PCDH15: variants seen among roughly 807,000 people sequenced by gnomAD.
PCDH15 encodes the protein protocadherin-15.
PCDH15 carries 129 observed loss-of-function variants against 178.5 expected under a neutral mutation model. The ratio of observed to expected loss-of-function variants is 0.72; its 90% confidence interval spans 0.63 to 0.84. The LOEUF (loss-of-function observed/expected upper bound fraction) is 0.84. Ranked by LOEUF, PCDH15 falls within the 40% of genes least tolerant of loss-of-function variation. PCDH15 has a pLI of 0.00. For missense variants in PCDH15, 2,230 were observed against 2,099.9 expected (o/e 1.06, Z -1.21); for synonymous variants, 800 against 732.0 (o/e 1.09, Z -1.50).
chr10:55,559,500 G>A (rs1375674061), intron 2 of PCDH15, among the ~76,000 whole-genome samples: 1 of 151,922 alleles, frequency 6.6e-6, no homozygotes, highest in Non-Finnish European at 1.5e-5. Flanking sequence ...TGTCATATGT[G>A]AGAAATGAAT....
intron 2 of PCDH15, among the ~76,000 whole-genome samples, chr10:55,495,074 C>T (rs2132132312): frequency 6.6e-6 from 1 of 151,748 alleles, no homozygotes; most frequent in Admixed American, 6.6e-5. Flanking sequence ...ACATTGGACC[C>T]CTATCAAACC....
intron 1 of PCDH15, among the ~76,000 whole-genome samples, chr10:54,791,855 C>T (rs1951448432): frequency 6.6e-6 from 1 of 151,888 alleles, no homozygotes; most frequent in South Asian, 2.1e-4. Flanking sequence ...CTCATTTCTG[C>T]TCTCATCTAC....
At chr10:55,490,741 A>C (rs1015613054) in intron 2 of PCDH15, among the ~76,000 whole-genome samples, 1 of 151,818 alleles carries the variant, frequency 6.6e-6, no homozygotes, top group Non-Finnish European at 1.5e-5. Flanking sequence ...AATAAATGAC[A>C]GCTGAGAAAT....
At chr10:54,179,943 G>C (rs1333212959) in intron 13 of PCDH15, among the ~76,000 whole-genome samples, 1 of 152,048 alleles carries the variant, frequency 6.6e-6, no homozygotes, top group Non-Finnish European at 1.5e-5. Context: ...TCCTGTATAG[G>C]GAGTAATTGT....
intron 2 of PCDH15, among the ~76,000 whole-genome samples, chr10:55,331,880 A>G (rs1171505612): frequency 6.6e-6 from 1 of 152,146 alleles, no homozygotes; most frequent in African/African-American, 2.4e-5. Flanking sequence ...AAATCTATTA[A>G]CTGAATATGA....
intron 3 of PCDH15, among the ~76,000 whole-genome samples, chr10:54,526,741 C>G (rs1003069123): frequency 6.6e-6 from 1 of 152,110 alleles, no homozygotes; most frequent in Admixed American, 6.6e-5. Context: ...CAGAGGCCAG[C>G]AGTACTGTAG....
At chr10:54,862,349 A>T (rs1038209551) in intron 3 of PCDH15, among the ~76,000 whole-genome samples, 1 of 152,254 alleles carries the variant, frequency 6.6e-6, no homozygotes, top group Admixed American at 6.5e-5. Flanking sequence ...AAAATAACAT[A>T]TAAAGTACAA....
At position 54,408,682 on chromosome 10, in the gene PCDH15, CTA is replaced by C. The variant is rs1953028746; in HGVS notation, c.158-29742_158-29741del. ...TTATACTTAAAGGATTCAATTGCAG[CTA>C]TGATTCTATGTATGATTGGGGTTAC... On this transcript the variant is annotated intron_variant, in intron 3 of 37. Coordinates refer to ENST00000644397, the MANE Select transcript of PCDH15 (RefSeq NM_001384140.1). Among the ~76,000 whole-genome samples, 3 of 152,220 alleles carry C rather than the reference CTA, an allele frequency of 2.0e-5. No individual in the cohort carries two copies. In the South Asian group the frequency reaches 6.2e-4, roughly 32 times the overall value.
chr10:55,408,501 T>C (rs1457343837), intron 2 of PCDH15, among the ~76,000 whole-genome samples: 2 of 152,048 alleles, frequency 1.3e-5, no homozygotes, highest in Non-Finnish European at 2.9e-5. Context: ...TGATTCTAAA[T>C]TTGGTAAAGA....
At chr10:54,206,550 T>C (rs1362350829) in intron 10 of PCDH15, among the ~76,000 whole-genome samples, 1 of 152,116 alleles carries the variant, frequency 6.6e-6, no homozygotes, top group African/African-American at 2.4e-5. Flanking sequence ...CAGTTTTTTG[T>C]CAACCAAGAG....
intron 2 of PCDH15, among the ~76,000 whole-genome samples, chr10:55,604,659 G>T (rs1371935621): frequency 6.8e-6 from 1 of 148,110 alleles, no homozygotes; most frequent in Non-Finnish European, 1.5e-5. Context: ...GGTACATAAC[G>T]AAATGAAGGC....
At chr10:55,107,635 G>A (rs996463762) in intron 2 of PCDH15, among the ~76,000 whole-genome samples, 3 of 151,622 alleles carry the variant, frequency 2.0e-5, no homozygotes, top group African/African-American at 7.3e-5. Context: ...TGTATTGCAG[G>A]TGCGCACCAC....
intron 2 of PCDH15, among the ~76,000 whole-genome samples, chr10:55,140,393 T>C (rs1479302989): frequency 6.6e-6 from 1 of 151,950 alleles, no homozygotes; most frequent in African/African-American, 2.4e-5. Context: ...AGGGTCCCGA[T>C]TAAGCCTTTT....
At chr10:53,983,713 A>G (rs899097028) in intron 21 of PCDH15, among the ~76,000 whole-genome samples, 10 of 152,192 alleles carry the variant, frequency 6.6e-5, no homozygotes, top group Admixed American at 6.5e-4. Flanking sequence ...ATTTAAACAC[A>G]GTTGTTAAGT....
At chr10:53,874,125 G>T (rs1239262180) in intron 26 of PCDH15, among the ~76,000 whole-genome samples, 1 of 152,180 alleles carries the variant, frequency 6.6e-6, no homozygotes, top group African/African-American at 2.4e-5. Context: ...CTTTCATTTA[G>T]AATTTTTTTG....
At chr10:53,992,224 C>A (rs1259825779) in intron 21 of PCDH15, among the ~76,000 whole-genome samples, 2 of 152,118 alleles carry the variant, frequency 1.3e-5, no homozygotes, top group East Asian at 3.9e-4. Context: ...TTGAAGCCAG[C>A]AAGACCACGA....
At chr10:53,875,034 G>A (rs4478892) in intron 26 of PCDH15, among the ~76,000 whole-genome samples, 96,634 of 151,464 alleles carry the variant, frequency 0.64, 31,504 homozygotes, top group Middle Eastern at 0.78. Context: ...CTACGAAGAT[G>A]AACAACCTCA....
chr10:55,007,204 A>C (rs1839951752), intron 2 of PCDH15, among the ~76,000 whole-genome samples: 1 of 152,116 alleles, frequency 6.6e-6, no homozygotes, highest in Non-Finnish European at 1.5e-5. Flanking sequence ...CTCATAAATT[A>C]CCCAGCTTCT....
intron 1 of PCDH15, among the ~76,000 whole-genome samples, chr10:54,797,575 C>G (rs1403710171): frequency 6.7e-6 from 1 of 150,266 alleles, no homozygotes; most frequent in East Asian, 2.0e-4. Flanking sequence ...AGTAATTGGA[C>G]AAGATTAAAA....
Sources: allele counts gnomAD v4.1 joint callset (sites outside exome capture counted in the v4.1 genomes callset), GRCh38; gene constraint gnomAD v4.1.1; transcripts MANE v1.5; gene names NCBI Gene and HGNC (gene_info 2026-07-23, HGNC 2026-07-21).